Variants in LCA5L observed in about 807,000 individuals in gnomAD.
LCA5L encodes lebercilin-like protein.
A neutral mutation model predicts 45.4 loss-of-function variants in LCA5L; 35 were observed. The ratio of observed to expected loss-of-function variants is 0.77; its 90% confidence interval spans 0.59 to 1.02. The LOEUF (loss-of-function observed/expected upper bound fraction) is 1.02, where lower values mean the gene tolerates loss of function less well. LCA5L is among the 50% of genes least tolerant of loss of function. The pLI is 0.00. For synonymous variants in LCA5L, 233 were observed against 264.7 expected (o/e 0.88, Z 1.16); for missense variants, 668 against 761.6 (o/e 0.88, Z 1.45).
intron 2 of LCA5L, chr21:39,439,485 T>G (rs906634037): frequency 6.6e-6 from 1 of 152,256 alleles, no homozygotes; most frequent in Non-Finnish European, 1.5e-5. Context: ...AAAAGCAGGC[T>G]ATTAAATGCA....
intron 2 of LCA5L, among the ~76,000 whole-genome samples, chr21:39,441,982 C>T (rs1181817768): frequency 6.6e-6 from 1 of 152,186 alleles, no homozygotes; most frequent in Non-Finnish European, 1.5e-5. Flanking sequence ...ATGATGAACA[C>T]AAACAGCAAA....
chr21:39,420,622 C>T, intron 7 of LCA5L, 84 bp downstream of exon 7: 1 of 1,122,658 alleles, frequency 8.9e-7, no homozygotes, highest in Non-Finnish European at 1.2e-6. Context: ...AATAAAAAAT[C>T]ACTTAAAGAT....
At chr21:39,439,042 C>T (rs1383127026) in intron 2 of LCA5L, 1 of 152,132 alleles carries the variant, frequency 6.6e-6, no homozygotes, top group East Asian at 1.9e-4. Context: ...AGTTTCAGGT[C>T]TTGAGGTGGG....
At chr21:39,429,586 T>C (rs2075430740) in intron 3 of LCA5L, among the ~76,000 whole-genome samples, 1 of 152,224 alleles carries the variant, frequency 6.6e-6, no homozygotes, top group Non-Finnish European at 1.5e-5. Context: ...CTTTTTTCAT[T>C]AAGCACCATG....
At chr21:39,406,979 C>T (rs962982224) in intron 10 of LCA5L, among the ~76,000 whole-genome samples, 2 of 152,166 alleles carry the variant, frequency 1.3e-5, no homozygotes, top group Non-Finnish European at 2.9e-5. Context: ...GTAATTCCGG[C>T]ACTTTGGGAG....
intron 3 of LCA5L, among the ~76,000 whole-genome samples, chr21:39,431,436 G>A (rs1393022584): frequency 1.3e-5 from 2 of 151,854 alleles, no homozygotes; most frequent in African/African-American, 4.8e-5. Context: ...AGTTTCCTCA[G>A]GATGGGCAAA....
Position 39,406,450 on chromosome 21 carries a change from C to G in LCA5L, c.1445G>C (p.Ser482Thr), listed in dbSNP as rs564339950. ...IIEVIHPERE[S>T]NQEDVLVREK... ...TCTTACTAGAACATCTTCTTGATTG[C>G]TTTCTCTTTCAGGATGAATAACTTC... Residue 482 changes from serine (S) to threonine (T), a missense_variant, in exon 11 of 11, where the codon AGC (serine) becomes ACC (threonine). Physicochemically the swap from Ser to Thr is moderately conservative, Grantham distance 58. Coordinates refer to ENST00000288350, the MANE Select transcript of LCA5L (RefSeq NM_152505.4). 6.2e-7 allele frequency: 1 copy of G among 1,614,040 alleles called. No individual in the cohort carries two copies. The highest frequency in any genetic ancestry group is 1.7e-5 in the Admixed American group (1 of 60,018).
intron 7 of LCA5L, 83 bp from the exon 8 acceptor site, chr21:39,411,885 C>A: frequency 1.4e-6 from 1 of 716,076 alleles, no homozygotes; most frequent in Admixed American, 2.5e-5. Flanking sequence ...TTTAAATGAG[C>A]TCAGTATCCT....
chr21:39,422,708 T>C, intron 6 of LCA5L: 1 of 521,754 alleles, frequency 1.9e-6, no homozygotes, highest in Non-Finnish European at 3.3e-6. Flanking sequence ...TCTTAGAGAA[T>C]GGTCATTTCC....
intron 5 of LCA5L, 31 bp from the exon 6 acceptor site, chr21:39,423,521 AG>A: frequency 3.3e-6 from 5 of 1,511,418 alleles, no homozygotes; most frequent in Non-Finnish European, 4.4e-6. Context: ...GTTTATTACT[AG>A]TAAAATATAC....
intron 7 of LCA5L, among the ~76,000 whole-genome samples, chr21:39,418,227 T>A (rs2041640926): frequency 1.3e-5 from 2 of 152,156 alleles, no homozygotes; most frequent in African/African-American, 4.8e-5. Flanking sequence ...GAGATTTGGG[T>A]GGGGACACAG....
intron 4 of LCA5L, among the ~76,000 whole-genome samples, chr21:39,428,837 C>A (rs1220513963): frequency 6.6e-6 from 1 of 151,328 alleles, no homozygotes; most frequent in Non-Finnish European, 1.5e-5. Flanking sequence ...TGGTCTTGAA[C>A]TCCTGGGCTC....
At chr21:39,412,039 C>A (rs909330029) in intron 7 of LCA5L, among the ~76,000 whole-genome samples, 1 of 152,206 alleles carries the variant, frequency 6.6e-6, no homozygotes, top group Non-Finnish European at 1.5e-5. Context: ...CCTTGCAGGT[C>A]AGCTTGTCCA....
Position 39,428,418 on chromosome 21 carries a change from ACCT to A in LCA5L, c.73_75del (p.Arg25del), listed in dbSNP as rs776409147. 9 of 1,611,898 alleles carry A rather than the reference ACCT, an allele frequency of 5.6e-6. No homozygotes were observed. Among genetic ancestry groups the A allele is most frequent in the African/African-American group, 5.4e-5 (4 of 74,354 alleles). On this transcript the variant is annotated inframe_deletion, in exon 5 of 11. Transcript: ENST00000288350. ...CCTGGGCTTCTCTTGCATGCTGCAG[ACCT>A]CCTATTGTTTTCTAATGCCACGCCG...
chr21:39,406,553 G>A lies in LCA5L; in HGVS notation c.1342C>T (p.Gln448Ter), dbSNP rs368479261. 3.7e-5 allele frequency: 60 copies of A among 1,609,896 alleles called. No individual in the cohort carries two copies. Among genetic ancestry groups the A allele is most frequent in the Non-Finnish European group, 5.0e-5 (59 of 1,178,406 alleles). Reference sequence around the variant, plus strand: ...TCTTGGTCTTCTTTTTTGTCTTTTTGTCTTCCAGTATTCTCCAGCAGTATT... The same window carrying A: ...TCTTGGTCTTCTTTTTTGTCTTTTTATCTTCCAGTATTCTCCAGCAGTATT... ...VQILLENTGR[Q>*]KDKKEDQEKK... The change falls in exon 11 of 11, where the codon CAA becomes TAA. Residue 448 changes from glutamine (Q) to a stop codon, truncating the protein, a stop_gained. Coordinates refer to ENST00000288350, the MANE Select transcript of LCA5L (RefSeq NM_152505.4). LOFTEE classifies it low-confidence loss of function (END_TRUNC).
chr21:39,431,027 G>GA (rs935454316), intron 3 of LCA5L, among the ~76,000 whole-genome samples: 1 of 151,626 alleles, frequency 6.6e-6, no homozygotes, highest in African/African-American at 2.4e-5. Flanking sequence ...AGCCAAAAAA[G>GA]AAAAAAAATT....
chr21:39,429,409 A>T (rs2075400296), intron 3 of LCA5L, 198 bp from the exon 4 acceptor site: 2 of 152,328 alleles, frequency 1.3e-5, no homozygotes, highest in East Asian at 3.9e-4. Context: ...AAGAAATCAA[A>T]TGATCTTAGT....
At position 39,431,483 on chromosome 21, in the gene LCA5L, G is replaced by T. The variant is rs551289016; in HGVS notation, c.-91-2272C>A. On this transcript the variant is annotated intron_variant, in intron 3 of 10. Coordinates refer to ENST00000288350, the MANE Select transcript of LCA5L (RefSeq NM_152505.4). ...CCATAAAGACAATTTTTTTTTTGTT[G>T]GTGGAATGGATGAGTAGAAAATGAC... Among the ~76,000 whole-genome samples, 22 of 151,362 alleles carry T rather than the reference G, an allele frequency of 1.5e-4. 1 individual carries two copies. In the South Asian group the frequency reaches 4.6e-3, roughly 32 times the overall value.
chr21:39,444,575 T>C (rs747246398), intron 1 of LCA5L: 7 of 152,114 alleles, frequency 4.6e-5, no homozygotes, highest in Non-Finnish European at 8.8e-5. Context: ...ATTAAGACTG[T>C]CATGCTCAAG....
Sources: allele counts gnomAD v4.1 joint callset (sites outside exome capture counted in the v4.1 genomes callset), GRCh38; gene constraint gnomAD v4.1.1; transcripts MANE v1.5; gene names NCBI Gene and HGNC (gene_info 2026-07-23, HGNC 2026-07-21).